RSPO2: variants seen among roughly 807,000 people sequenced by gnomAD.
RSPO2 encodes the protein R-spondin-2.
Under a neutral mutation model 30.9 loss-of-function variants are expected in RSPO2, and 14 were observed. The observed-to-expected ratio is 0.45, with a 90% CI of 0.30 to 0.71. The LOEUF (loss-of-function observed/expected upper bound fraction) is 0.71, where lower values mean the gene tolerates loss of function less well. Ranked by LOEUF, RSPO2 falls within the 30% of genes least tolerant of loss-of-function variation. The pLI, the probability that RSPO2 is intolerant of heterozygous loss-of-function variation, is 0.08. For missense variants in RSPO2, 264 were observed against 301.9 expected (o/e 0.87, Z 0.93); for synonymous variants, 107 against 96.4 (o/e 1.11, Z -0.64).
chr8:108,068,814 G>T (rs982879650), intron 2 of RSPO2, among the ~76,000 whole-genome samples: 1 of 152,194 alleles, frequency 6.6e-6, no homozygotes. Flanking sequence ...AAACAAGGAA[G>T]TCTCCTCCCC....
At chr8:108,010,325 T>A (rs1430264461) in intron 2 of RSPO2, among the ~76,000 whole-genome samples, 2 of 152,098 alleles carry the variant, frequency 1.3e-5, no homozygotes, top group Admixed American at 6.6e-5. Context: ...ATAATGCATA[T>A]CTTGCCCTGA....
chr8:108,066,244 A>C (rs1812663836), intron 2 of RSPO2, among the ~76,000 whole-genome samples: 1 of 152,104 alleles, frequency 6.6e-6, no homozygotes, highest in Non-Finnish European at 1.5e-5. Context: ...TCTCCTCTCT[A>C]AGCCTTCCAG....
intron 2 of RSPO2, among the ~76,000 whole-genome samples, chr8:108,064,887 G>A (rs1291309922): frequency 6.6e-6 from 1 of 152,066 alleles, no homozygotes; most frequent in African/African-American, 2.4e-5. Context: ...CATGGATGAA[G>A]CTGGAAACCA....
chr8:108,056,394 A>T (rs1215280037), intron 2 of RSPO2, among the ~76,000 whole-genome samples: 1 of 151,784 alleles, frequency 6.6e-6, no homozygotes, highest in Non-Finnish European at 1.5e-5. Flanking sequence ...CAAAGCAGGC[A>T]GATCGCTTGA....
chr8:107,920,714 T>TC (rs1314101771), intron 5 of RSPO2, among the ~76,000 whole-genome samples: 4 of 152,102 alleles, frequency 2.6e-5, no homozygotes, highest in African/African-American at 4.8e-5. Context: ...TTAGATACGT[T>TC]CCCATTAAGG....
At chr8:107,955,029 T>C (rs1813377708) in intron 5 of RSPO2, among the ~76,000 whole-genome samples, 1 of 152,122 alleles carries the variant, frequency 6.6e-6, no homozygotes, top group South Asian at 2.1e-4. Context: ...TCTTGGTTAG[T>C]CTTTGAAGGA....
At chr8:107,904,955 G>T (rs1043321001) in intron 5 of RSPO2, among the ~76,000 whole-genome samples, 1 of 152,044 alleles carries the variant, frequency 6.6e-6, no homozygotes, top group Non-Finnish European at 1.5e-5. Flanking sequence ...CAACTCTTCT[G>T]CAGAGAAATA....
intron 2 of RSPO2, among the ~76,000 whole-genome samples, chr8:108,014,750 C>T (rs2084818): frequency 0.25 from 38,156 of 150,984 alleles, 5,094 homozygotes; most frequent in Middle Eastern, 0.33. Context: ...ATGTAGATGA[C>T]GGGTTGATGA....
At chr8:108,025,841 A>G (rs943454736) in intron 2 of RSPO2, among the ~76,000 whole-genome samples, 4 of 152,202 alleles carry the variant, frequency 2.6e-5, no homozygotes, top group Admixed American at 6.5e-5. Flanking sequence ...TCTTTGCAGA[A>G]TTCCAGTTAA....
intron 5 of RSPO2, among the ~76,000 whole-genome samples, chr8:107,928,170 ACTCTGAACC>A (rs1812444794): frequency 6.6e-6 from 1 of 151,966 alleles, no homozygotes; most frequent in Non-Finnish European, 1.5e-5. Context: ...GATTATTTGA[ACTCTGAACC>A]CCCTTCTGTC....
At chr8:108,026,365 G>T (rs374134290) in intron 2 of RSPO2, among the ~76,000 whole-genome samples, 2 of 152,054 alleles carry the variant, frequency 1.3e-5, no homozygotes, top group African/African-American at 4.8e-5. Flanking sequence ...AAGCAGAGGT[G>T]CAATTGGCAA....
intron 3 of RSPO2, among the ~76,000 whole-genome samples, chr8:107,978,813 T>A (rs1814310718): frequency 1.3e-5 from 2 of 151,974 alleles, no homozygotes; most frequent in South Asian, 4.2e-4. Context: ...CAATCTACAA[T>A]GAACTCAAAC....
At chr8:107,957,424 C>CA (rs374105664) in intron 5 of RSPO2, among the ~76,000 whole-genome samples, 1 of 152,284 alleles carries the variant, frequency 6.6e-6, no homozygotes, top group Non-Finnish European at 1.5e-5. Context: ...CCAGTCACCT[C>CA]AGCTATGTGC....
intron 2 of RSPO2, among the ~76,000 whole-genome samples, chr8:108,011,535 AAAG>A (rs1430840778): frequency 1.2e-4 from 18 of 152,236 alleles, no homozygotes; most frequent in Admixed American, 1.2e-3. Context: ...CAAATGTTTT[AAAG>A]AAGAATAATT....
At chr8:107,905,388 G>A (rs776992007) in intron 5 of RSPO2, among the ~76,000 whole-genome samples, 12 of 151,970 alleles carry the variant, frequency 7.9e-5, no homozygotes, top group Non-Finnish European at 1.6e-4. Flanking sequence ...CGTAATACAT[G>A]GACATACCTA....
intron 5 of RSPO2, among the ~76,000 whole-genome samples, chr8:107,911,156 T>G (rs1811813465): frequency 6.6e-6 from 1 of 152,200 alleles, no homozygotes. Flanking sequence ...ATGGTCTATG[T>G]AGGCTACACT....
chr8:107,983,035 G>A (rs1814504764), intron 3 of RSPO2: 1 of 1,007,938 alleles, frequency 9.9e-7, no homozygotes, highest in Admixed American at 2.6e-5. Context: ...CTCTGCGGCT[G>A]TGTCACGCTC....
chr8:107,981,429 G>A (rs975693272), intron 3 of RSPO2, among the ~76,000 whole-genome samples: 2 of 152,046 alleles, frequency 1.3e-5, no homozygotes, highest in Non-Finnish European at 2.9e-5. Flanking sequence ...ACTGAGGCAC[G>A]AGAATTACTT....
chr8:108,057,102 A>G (rs1455253479), intron 2 of RSPO2, among the ~76,000 whole-genome samples: 1 of 146,136 alleles, frequency 6.8e-6, no homozygotes, highest in African/African-American at 2.5e-5. Context: ...AGACGTATAA[A>G]ATATAAGGTT....
Sources: gnomAD v4.1 joint callset for allele counts (sites outside exome capture counted in the v4.1 genomes callset) on GRCh38, gnomAD v4.1.1 for gene constraint, MANE v1.5 for transcripts, NCBI Gene and HGNC (gene_info 2026-07-23, HGNC 2026-07-21) for gene names.